The following SPG21 variants were observed in gnomAD, a reference collection of about 807,000 sequenced individuals.
The protein encoded by SPG21 is SPG21 abhydrolase domain containing, maspardin.
SPG21 carries 26 observed loss-of-function variants against 38.9 expected under a neutral mutation model. That is an observed-to-expected ratio of 0.67 (90% CI 0.49 to 0.93). The LOEUF (loss-of-function observed/expected upper bound fraction) is 0.93, where lower values mean the gene tolerates loss of function less well. Ranked by LOEUF, SPG21 falls within the 40% of genes least tolerant of loss-of-function variation. The pLI, the probability that SPG21 is intolerant of heterozygous loss-of-function variation, is 0.00. For synonymous variants in SPG21, 136 were observed against 128.9 expected (o/e 1.05, Z -0.37); for missense variants, 333 against 376.5 (o/e 0.88, Z 0.96).
At chr15:64,983,427 T>C (rs1407769159) in intron 2 of SPG21, 80 bp downstream of exon 2, 2 of 1,018,100 alleles carry the variant, frequency 2.0e-6, no homozygotes, top group African/African-American at 3.2e-5. Flanking sequence ...TCTCAAACAC[T>C]ACTAAGACAT....
At chr15:64,966,863 C>T (rs2140409648) in intron 7 of SPG21, among the ~76,000 whole-genome samples, 1 of 152,030 alleles carries the variant, frequency 6.6e-6, no homozygotes, top group Admixed American at 6.6e-5. Flanking sequence ...CGCGCCACTG[C>T]ACTCCAGCCT....
Position 64,989,834 on chromosome 15 carries a change from G to GGGGGC in SPG21, c.-199_-195dup, listed in dbSNP as rs1186277089. On this transcript the variant is annotated 5_prime_UTR_variant, in exon 1 of 9. Coordinates refer to ENST00000204566, the MANE Select transcript of SPG21 (RefSeq NM_016630.7). ...GTGCGTGCGGGAGGCCGGCCTCTGA[G>GGGGGC]GGGGCGGGGCGCGTGGCCGAGCGAG... The GGGGGC allele has an allele frequency of 2.7e-5, 4 of 148,068 alleles. No homozygotes were observed. Among genetic ancestry groups the GGGGGC allele is most frequent in the African/African-American group, 1.1e-4 (4 of 37,644 alleles). The allele number at this position is 148,068 out of a possible 1,614,324, so 9.2% of individuals were successfully genotyped here.
At chr15:64,976,329 G>A in intron 4 of SPG21, 146 bp downstream of exon 4, 1 of 600,410 alleles carries the variant, frequency 1.7e-6, no homozygotes, top group Non-Finnish European at 3.0e-6. Flanking sequence ...GGAGACTGAG[G>A]CAGGAGAATC....
rs113807482 is a variant in SPG21, at chr15:64,973,458, G to GT, written c.452+1143dup. 7.8e-3 allele frequency among the ~76,000 whole-genome samples: 1,167 copies of GT among 148,942 alleles called. 50 individuals carry two copies. The South Asian group carries it at 0.13, about 16-fold the overall frequency. On this transcript the variant is annotated intron_variant, in intron 5 of 8. Transcript: ENST00000204566. ...ATTTCCACCATTTTGTTTTTGGTTTGTTTTTTTTTTGAGATGGAGTTTCGC... is the reference window on the plus strand; with the variant it reads ...ATTTCCACCATTTTGTTTTTGGTTTGTTTTTTTTTTTGAGATGGAGTTTCGC...
At chr15:64,977,564 C>T (rs907297777) in intron 3 of SPG21, among the ~76,000 whole-genome samples, 12 of 152,098 alleles carry the variant, frequency 7.9e-5, no homozygotes, top group African/African-American at 2.7e-4. Context: ...TGGGGTTTTG[C>T]CACGTTGCCC....
intron 1 of SPG21, 160 bp downstream of exon 1, chr15:64,989,505 T>A (rs2086072346): frequency 6.6e-6 from 1 of 151,326 alleles, no homozygotes; most frequent in East Asian, 2.0e-4. Flanking sequence ...AGACACACAC[T>A]CACAAGGGCA....
chr15:64,970,191 T>G lies in SPG21; in HGVS notation c.484A>C (p.Lys162Gln). Residue 162 changes from lysine to glutamine, a missense_variant, in exon 6 of 9, where the codon AAA (lysine) becomes CAA (glutamine). Physicochemically the swap from Lys to Gln is moderately conservative, Grantham distance 53. Transcript: ENST00000204566. ...GATGAAAAATTTCCAAGAACTATTT[T>G]TTTGAGCATAAATGCAGGCATCAGC... Reference protein sequence around the residue: ...FWLMPAFMLKKIVLGNFSSGP... With the variant: ...FWLMPAFMLKQIVLGNFSSGP... The G allele has an allele frequency of 6.2e-7, 1 of 1,614,138 alleles. No individual in the cohort carries two copies. Among genetic ancestry groups the G allele is most frequent in the East Asian group, 2.2e-5 (1 of 44,886 alleles).
chr15:64,963,640 T>C lies in SPG21; in HGVS notation c.907A>G (p.Ile303Val). ...ELEVQKGSLG[I>V]SQEEQ Reference sequence around the variant, plus strand: ...ACACACTACTGCTCCTCCTGGCTGATGCCAAGGCTGCCTTTCTGCACCTCA... The same window carrying C: ...ACACACTACTGCTCCTCCTGGCTGACGCCAAGGCTGCCTTTCTGCACCTCA... Residue 303 changes from isoleucine to valine, a missense_variant, in exon 9 of 9, where the codon ATC becomes GTC. Physicochemically the swap from Ile to Val is conservative, Grantham distance 29 (BLOSUM62 3). Coordinates refer to ENST00000204566, the MANE Select transcript of SPG21 (RefSeq NM_016630.7). 6.2e-7 allele frequency: 1 copy of C among 1,614,074 alleles called. No individual in the cohort carries two copies. The highest frequency in any genetic ancestry group is 8.5e-7 in the Non-Finnish European group (1 of 1,180,014).
intron 8 of SPG21, 30 bp downstream of exon 8, chr15:64,965,290 G>A (rs1477669610): frequency 6.2e-7 from 1 of 1,614,166 alleles, no homozygotes; most frequent in Admixed American, 1.7e-5. Context: ...GTTGGGCTCA[G>A]AGTGCTCTGG....
chr15:64,964,739 T>C (rs2085511063), intron 8 of SPG21, among the ~76,000 whole-genome samples: 1 of 152,144 alleles, frequency 6.6e-6, no homozygotes. Flanking sequence ...CAAGTGATTC[T>C]TCTGCCTCAG....
intron 1 of SPG21, among the ~76,000 whole-genome samples, chr15:64,984,402 C>T (rs936556692): frequency 1.3e-5 from 2 of 152,086 alleles, no homozygotes; most frequent in African/African-American, 2.4e-5. Flanking sequence ...GTCCAGGCTG[C>T]AGTTCAATGG....
At chr15:64,982,894 A>G (rs1443004645) in intron 2 of SPG21, 2 of 152,484 alleles carry the variant, frequency 1.3e-5, no homozygotes, top group Non-Finnish European at 2.9e-5. Flanking sequence ...AGTTGCTGTA[A>G]ACTTTCCACT....
At chr15:64,986,712 A>AAACAAAGC (rs1231777738) in intron 1 of SPG21, among the ~76,000 whole-genome samples, 22 of 131,548 alleles carry the variant, frequency 1.7e-4, no homozygotes, top group African/African-American at 3.0e-4. Flanking sequence ...AAACAAAACA[A>AAACAAAGC]AAAACAAAAA....
At chr15:64,975,527 C>CA (rs34728521) in intron 4 of SPG21, among the ~76,000 whole-genome samples, 68,154 of 125,920 alleles carry the variant, frequency 0.54, 17,434 homozygotes, top group East Asian at 0.84. Flanking sequence ...AAGCCTGTCT[C>CA]AAAAAAAAAA....
rs1371854589 is a variant in SPG21 at position 64,980,899 on chromosome 15, A to G, written c.190T>C (p.Leu64=). The change falls in exon 3 of 9, where the codon TTG becomes CTG. Residue 64 remains leucine (L), a synonymous_variant. Coordinates refer to ENST00000204566, the MANE Select transcript of SPG21 (RefSeq NM_016630.7). Reference sequence around the variant, plus strand: ...CGGTAACCCCATCCAGTCAGAGCCAAAATCTGCCGGAAAAAGACATCTGCA... The same window carrying G: ...CGGTAACCCCATCCAGTCAGAGCCAGAATCTGCCGGAAAAAGACATCTGCA... ...GTADVFFRQI[L]ALTGWGYRVI... is the part of the protein sequence containing the mutation. 6.8e-6 allele frequency: 11 copies of G among 1,614,002 alleles called. No individual in the cohort carries two copies. Among genetic ancestry groups the G allele is most frequent in the Non-Finnish European group, 6.8e-6 (8 of 1,180,028 alleles).
At position 64,983,563 on chromosome 15, in the gene SPG21, C is replaced by T; in HGVS notation, c.7G>A (p.Glu3Lys). 1 of 1,573,778 alleles carries T rather than the reference C, an allele frequency of 6.4e-7. No individual in the cohort carries two copies. Residue 3 changes from glutamate to lysine, a missense_variant, in exon 2 of 9, where the codon GAG becomes AAG. Physicochemically the swap from Glu to Lys is moderately conservative, Grantham distance 56. Transcript: ENST00000204566. ...TTATAATCAGGAGAGACTTTAATCT[C>T]TCCCATGATTAGCTGAAATGGAGGT... is the stretch of plus-strand genomic sequence containing the variant. MG[E>K]IKVSPDYNWF...
At chr15:64,987,698 G>T (rs1420055325) in intron 1 of SPG21, among the ~76,000 whole-genome samples, 1 of 152,204 alleles carries the variant, frequency 6.6e-6, no homozygotes, top group African/African-American at 2.4e-5. Context: ...GTGTGCTGTG[G>T]ACTCCCTGTC....
At chr15:64,982,264 C>T (rs1050003966) in intron 2 of SPG21, among the ~76,000 whole-genome samples, 7 of 151,374 alleles carry the variant, frequency 4.6e-5, no homozygotes, top group African/African-American at 1.7e-4. Flanking sequence ...CCCATCTCAG[C>T]CTCCTGAGTG....
chr15:64,964,466 G>A (rs930293820), intron 8 of SPG21, among the ~76,000 whole-genome samples: 31 of 152,096 alleles, frequency 2.0e-4, no homozygotes, highest in African/African-American at 7.0e-4. Flanking sequence ...GGATATGACT[G>A]GTTTTTGGGA....
Sources: allele counts gnomAD v4.1 joint callset (sites outside exome capture counted in the v4.1 genomes callset), GRCh38; gene constraint gnomAD v4.1.1; transcripts MANE v1.5; gene names NCBI Gene and HGNC (gene_info 2026-07-23, HGNC 2026-07-21).